The following GLIS1 variants were observed in gnomAD, a reference collection of about 807,000 sequenced individuals.
GLIS1 encodes zinc finger protein GLIS1.
A neutral mutation model predicts 63.8 loss-of-function variants in GLIS1; 24 were observed. The observed-to-expected ratio is 0.38, with a 90% confidence interval of 0.27 to 0.53. GLIS1 has a LOEUF of 0.53. GLIS1 is among the 20% of genes least tolerant of loss of function. The probability of loss-of-function intolerance (pLI) is 0.85; values close to 1 mark genes in which losing one functional copy is unlikely to be tolerated. For synonymous variants in GLIS1, 450 were observed against 482.5 expected, an observed-to-expected ratio of 0.93 and a Z score of 0.88; for missense variants, 1,036 against 1,074.1, an observed-to-expected ratio of 0.96 and a Z score of 0.50.
At chr1:53,686,624 A>T (rs765704833) in intron 2 of GLIS1, among the ~76,000 whole-genome samples, 3 of 152,168 alleles carry the variant, frequency 2.0e-5, no homozygotes, top group Non-Finnish European at 4.4e-5. Context: ...CAGGGAAAAC[A>T]GTGCTCATCT....
chr1:53,552,744 C>T (rs1644773027), intron 4 of GLIS1, among the ~76,000 whole-genome samples: 2 of 152,226 alleles, frequency 1.3e-5, no homozygotes, highest in Non-Finnish European at 2.9e-5. Flanking sequence ...TCCAGCTGGA[C>T]CACGGGCTGG....
chr1:53,520,957 T>C (rs1644402253), intron 6 of GLIS1, among the ~76,000 whole-genome samples, 191 bp from the exon 7 acceptor site: 1 of 152,190 alleles, frequency 6.6e-6, no homozygotes, highest in Non-Finnish European at 1.5e-5. Context: ...TCCAGGTCCT[T>C]TGAGAAGCAG....
At chr1:53,575,112 A>ATGGACATCTG (rs1645020408) in intron 4 of GLIS1, among the ~76,000 whole-genome samples, 2 of 152,230 alleles carry the variant, frequency 1.3e-5, no homozygotes. Context: ...AATGGCAACT[A>ATGGACATCTG]AAGATACTAT....
At chr1:53,679,991 C>A (rs1240218564) in intron 2 of GLIS1, among the ~76,000 whole-genome samples, 1 of 152,156 alleles carries the variant, frequency 6.6e-6, no homozygotes, top group Non-Finnish European at 1.5e-5. Context: ...GTAATGGAGA[C>A]CCCTGTTTCC....
At chr1:53,535,837 C>A (rs1047146021) in intron 4 of GLIS1, among the ~76,000 whole-genome samples, 1 of 151,956 alleles carries the variant, frequency 6.6e-6, no homozygotes, top group Non-Finnish European at 1.5e-5. Context: ...CTGCATGGTT[C>A]CCCAGTGCCT....
chr1:53,596,328 A>G (rs544610953), intron 3 of GLIS1, among the ~76,000 whole-genome samples: 3 of 152,134 alleles, frequency 2.0e-5, no homozygotes, highest in South Asian at 2.1e-4. Context: ...TCACCAGAGC[A>G]CTCTGAAAAG....
chr1:53,675,824 G>T (rs992912035), intron 2 of GLIS1, among the ~76,000 whole-genome samples: 37 of 152,152 alleles, frequency 2.4e-4, no homozygotes, highest in African/African-American at 8.2e-4. Context: ...AGCGCTCATT[G>T]TCCTGCCACT....
chr1:53,707,075 G>A (rs1443753894), intron 2 of GLIS1, among the ~76,000 whole-genome samples: 1 of 152,140 alleles, frequency 6.6e-6, no homozygotes, highest in African/African-American at 2.4e-5. Context: ...TTCCTCATAT[G>A]GGGGATGCAG....
At chr1:53,648,875 G>A (rs1007045614) in intron 2 of GLIS1, among the ~76,000 whole-genome samples, 2 of 152,158 alleles carry the variant, frequency 1.3e-5, no homozygotes, top group African/African-American at 2.4e-5. Flanking sequence ...GGGCTCTTCC[G>A]GGAATAGTAA....
At position 53,563,140 on chromosome 1, in the gene GLIS1, T is replaced by G. The variant is rs549091979; in HGVS notation, c.1320+30968A>C. The stretch of plus-strand genomic sequence containing the variant: ...AAGGTGGGGTTCCCCCAAGGGCAGG[T>G]ACTCAACTCAGGCCTCCAGTGTGTC... On this transcript the variant is annotated intron_variant, in intron 4 of 10. Transcript: ENST00000628545. Among the ~76,000 whole-genome samples, 5 of 152,262 alleles carry G rather than the reference T, an allele frequency of 3.3e-5. No homozygotes were observed. The South Asian group carries it at 1.0e-3, about 31-fold the overall frequency.
At chr1:53,662,128 A>T (rs574843675) in intron 2 of GLIS1, among the ~76,000 whole-genome samples, 3 of 152,172 alleles carry the variant, frequency 2.0e-5, no homozygotes, top group Non-Finnish European at 4.4e-5. Context: ...TCTTAAGTCC[A>T]GGCCTCACAA....
intron 2 of GLIS1, among the ~76,000 whole-genome samples, chr1:53,676,460 ACACCCC>A (rs1348493861): frequency 4.6e-5 from 7 of 152,092 alleles, no homozygotes; most frequent in Admixed American, 1.3e-4. Flanking sequence ...GAGATCCAAC[ACACCCC>A]CATAGGCCCT....
At chr1:53,681,611 T>C (rs1176408145) in intron 2 of GLIS1, among the ~76,000 whole-genome samples, 1 of 152,264 alleles carries the variant, frequency 6.6e-6, no homozygotes, top group Admixed American at 6.5e-5. Flanking sequence ...CTGGACTTCC[T>C]GCAGCTTCCA....
chr1:53,577,220 C>G (rs998892314), intron 4 of GLIS1, among the ~76,000 whole-genome samples: 5 of 152,042 alleles, frequency 3.3e-5, no homozygotes, highest in African/African-American at 1.2e-4. Context: ...CCCCTACCCC[C>G]CTGGGGCCCT....
At chr1:53,525,184 G>A (rs1323154863) in intron 5 of GLIS1, among the ~76,000 whole-genome samples, 3 of 151,926 alleles carry the variant, frequency 2.0e-5, no homozygotes, top group African/African-American at 7.3e-5. Context: ...GTTCTTCCAG[G>A]TCAGACCCTG....
chr1:53,652,229 G>T (rs1156919591), intron 2 of GLIS1, among the ~76,000 whole-genome samples: 2 of 152,210 alleles, frequency 1.3e-5, no homozygotes, highest in African/African-American at 4.8e-5. Flanking sequence ...ATCATCAAAG[G>T]TTGGGCCCCT....
chr1:53,711,708 T>G (rs1287829412), intron 2 of GLIS1, among the ~76,000 whole-genome samples: 2 of 152,240 alleles, frequency 1.3e-5, no homozygotes, highest in Non-Finnish European at 2.9e-5. Flanking sequence ...ATCTCTTGGT[T>G]CAGTGTGTGG....
intron 4 of GLIS1, among the ~76,000 whole-genome samples, chr1:53,564,947 TG>T (rs1324329172): frequency 6.6e-6 from 1 of 152,050 alleles, no homozygotes; most frequent in Non-Finnish European, 1.5e-5. Context: ...ACAAGATTTT[TG>T]ATCTACTGAA....
At chr1:53,729,634 G>A (rs925513126) in intron 2 of GLIS1, among the ~76,000 whole-genome samples, 3 of 152,152 alleles carry the variant, frequency 2.0e-5, no homozygotes, top group Non-Finnish European at 4.4e-5. Flanking sequence ...ATCAGAAGAC[G>A]ATGCCTTGAA....
Sources: allele counts gnomAD v4.1 joint callset (sites outside exome capture counted in the v4.1 genomes callset), GRCh38; gene constraint gnomAD v4.1.1; transcripts MANE v1.5; gene names NCBI Gene and HGNC (gene_info 2026-07-23, HGNC 2026-07-21).